The following IGHMBP2 variants were observed in gnomAD, a reference collection of about 807,000 sequenced individuals.
IGHMBP2 encodes the protein DNA-binding protein SMUBP-2.
In IGHMBP2, 81 loss-of-function variants were observed where a neutral mutation model predicts 96.0. The observed-to-expected ratio is 0.84, with a 90% CI of 0.71 to 1.01. The LOEUF (loss-of-function observed/expected upper bound fraction) is 1.01, where lower values mean the gene tolerates loss of function less well. Ranked by LOEUF, IGHMBP2 falls within the 50% of genes least tolerant of loss-of-function variation. The pLI is 0.00. For synonymous variants in IGHMBP2, 557 were observed against 548.9 expected (o/e 1.01, Z -0.21); for missense variants, 1,227 against 1,306.3 (o/e 0.94, Z 0.94).
In IGHMBP2 at chr11:68,914,867, G is replaced by A. The variant is rs146386692; in HGVS notation, c.756G>A (p.Val252=). ...APSNIAVDNL[V]ERLALCKQRI... ...CCAACATCGCCGTGGACAATCTGGT[G>A]GAGCGCCTGGCTCTGTGTAAGCAGC... Residue 252 remains valine, a synonymous_variant, in exon 6 of 15, where the codon GTG becomes GTA. Transcript: ENST00000255078. 4 of 1,614,120 alleles carry A rather than the reference G, an allele frequency of 2.5e-6. No individual in the cohort carries two copies. The highest frequency in any genetic ancestry group is 2.7e-5 in the African/African-American group (2 of 74,938).
intron 1 of IGHMBP2, among the ~76,000 whole-genome samples, chr11:68,905,348 G>A (rs1858148020): frequency 6.6e-6 from 1 of 152,226 alleles, no homozygotes. Flanking sequence ...TGACTTTGCA[G>A]GTTCTGTCTC....
At chr11:68,930,627 A>G (rs899562964) in intron 8 of IGHMBP2, 2 of 569,938 alleles carry the variant, frequency 3.5e-6, no homozygotes, top group African/African-American at 4.1e-5. Context: ...CTGGCTGGAA[A>G]CCTCTGCGGC....
intron 7 of IGHMBP2, among the ~76,000 whole-genome samples, chr11:68,918,297 GT>G (rs1273533939): frequency 2.6e-4 from 38 of 146,068 alleles, no homozygotes; most frequent in East Asian, 1.0e-3. Context: ...TGGCTGGAGG[GT>G]TTTTTTTTTT....
rs77822399 is a variant in IGHMBP2, at chr11:68,936,419, G to A, written c.1939G>A (p.Val647Ile). Residue 647 changes from valine to isoleucine, a missense_variant, in exon 13 of 15, where the codon GTC (valine) becomes ATC (isoleucine). Val to Ile is a conservative substitution (Grantham distance 29). This residue lies in a region of IGHMBP2 where 703 missense variants were observed against 770.3 expected (regional missense o/e 0.91). Coordinates refer to ENST00000255078, the MANE Select transcript of IGHMBP2 (RefSeq NM_002180.3). ...GGCCTTTGAGTATCTTGACGATATTGTCCCAGAAAACTATTCCCATGAGAA... is the reference window on the plus strand; with the variant it reads ...GGCCTTTGAGTATCTTGACGATATTATCCCAGAAAACTATTCCCATGAGAA... Reference protein sequence around the residue: ...RTAFEYLDDIVPENYSHENSQ... With the variant: ...RTAFEYLDDIIPENYSHENSQ... The A allele has an allele frequency of 1.1e-3, 1,807 of 1,614,134 alleles. 9 individuals are homozygous for A. The African/African-American group carries it at 0.015, about 14-fold the overall frequency.
chr11:68,904,043 G>C lies in IGHMBP2; in HGVS notation c.86+5G>C, dbSNP rs1318938510. 3 of 1,548,014 alleles carry C rather than the reference G, an allele frequency of 1.9e-6. No individual in the cohort carries two copies. The highest frequency in any genetic ancestry group is 2.4e-5 in the East Asian group (1 of 40,902). On this transcript the variant is annotated splice_donor_5th_base_variant and intron_variant, in intron 1 of 14. Transcript: ENST00000255078. ...CGCGGAGGTGGAGGAGCGCAGGTAC[G>C]GGAGGCCGCCGGCGCCGCTCCCTCG...
chr11:68,935,241 G>C, intron 11 of IGHMBP2, 58 bp from the exon 12 acceptor site: 1 of 1,607,916 alleles, frequency 6.2e-7, no homozygotes, highest in East Asian at 2.2e-5. Context: ...CTGAAGGGCA[G>C]GGTCTTGCTG....
intron 11 of IGHMBP2, 24 bp from the exon 12 acceptor site, chr11:68,935,275 A>T: frequency 6.2e-7 from 1 of 1,613,364 alleles, no homozygotes; most frequent in Non-Finnish European, 8.5e-7. Flanking sequence ...GGGTGAGGAA[A>T]CCACAGCCCG....
chr11:68,929,183 G>C lies in IGHMBP2; in HGVS notation c.1061G>C (p.Gly354Ala), dbSNP rs773317620. The C allele has an allele frequency of 1.2e-6, 2 of 1,612,268 alleles. No individual in the cohort carries two copies. The highest frequency in any genetic ancestry group is 1.7e-6 in the Non-Finnish European group (2 of 1,180,010). Reference sequence around the variant, plus strand: ...ACTCCCGGCTCCCTGTTTCCACCAGGTGCGTCTGCCGATGGCCCCCTGAAG... The same window carrying C: ...ACTCCCGGCTCCCTGTTTCCACCAGCTGCGTCTGCCGATGGCCCCCTGAAG... ...SANVVLATNTGASADGPLKLL... is the reference protein window; with the variant it reads ...SANVVLATNTAASADGPLKLL... Residue 354 changes from glycine to alanine, a missense_variant and splice_region_variant, in exon 8 of 15, where the codon GGT (glycine) becomes GCT (alanine). Gly to Ala is a moderately conservative substitution (Grantham distance 60). This residue lies in a region of IGHMBP2 where 507 missense variants were observed against 496.9 expected (regional missense o/e 1.02). Coordinates refer to ENST00000255078, the MANE Select transcript of IGHMBP2 (RefSeq NM_002180.3).
chr11:68,937,114 G>C, intron 13 of IGHMBP2, 23 bp downstream of exon 13: 1 of 1,595,928 alleles, frequency 6.3e-7, no homozygotes, highest in Non-Finnish European at 8.5e-7. Flanking sequence ...ATAAGAACTT[G>C]GGGCAGTGTC....
intron 4 of IGHMBP2, 68 bp from the exon 5 acceptor site, chr11:68,911,370 ACT>A (rs1210074562): frequency 1.3e-6 from 2 of 1,527,086 alleles, no homozygotes; most frequent in Admixed American, 1.7e-5. Flanking sequence ...CGGGGCACAC[ACT>A]CTCTGAGGAG....
rs147392842 is a variant in IGHMBP2, at chr11:68,907,089, A to G, written c.256+851A>G. Among the ~76,000 whole-genome samples, 428 of 152,154 alleles carry G rather than the reference A, an allele frequency of 2.8e-3. 2 individuals carry two copies. The highest frequency in any genetic ancestry group is 9.8e-3 in the African/African-American group (406 of 41,556). ...AGCCTGGGCAACGTGGCAAAACCCC[A>G]TCTCTGCAAAAAAATAGAAAAATTA... On this transcript the variant is annotated intron_variant, in intron 2 of 14. Transcript: ENST00000255078.
At chr11:68,930,226 C>T in intron 8 of IGHMBP2, 1 of 1,254,516 alleles carries the variant, frequency 8.0e-7, no homozygotes, top group Non-Finnish European at 1.0e-6. Context: ...TTCTGAGACT[C>T]CTGCATCCTG....
chr11:68,939,529 C>A lies in IGHMBP2; in HGVS notation c.2785-5C>A. 6.2e-7 allele frequency: 1 copy of A among 1,611,716 alleles called. No homozygotes were observed. The highest frequency in any genetic ancestry group is 8.5e-7 in the Non-Finnish European group (1 of 1,179,986). ...GCCCAGCAGTGATTCTTGTGTCCTC[C>A]CCAGATCCATGGCTGCGGTGAGAGG... On this transcript the variant is annotated splice_polypyrimidine_tract_variant and splice_region_variant and intron_variant, in intron 14 of 14. Coordinates refer to ENST00000255078, the MANE Select transcript of IGHMBP2 (RefSeq NM_002180.3).
intron 7 of IGHMBP2, 148 bp from the exon 8 acceptor site, chr11:68,929,035 A>G (rs1178816544): frequency 3.7e-6 from 3 of 817,770 alleles, no homozygotes; most frequent in East Asian, 2.5e-5. Context: ...GTCTTGGCCA[A>G]GTTTTTATTA....
intron 7 of IGHMBP2, among the ~76,000 whole-genome samples, chr11:68,920,028 C>T (rs1858822110): frequency 6.6e-6 from 1 of 152,160 alleles, no homozygotes; most frequent in South Asian, 2.1e-4. Context: ...TCTTGCAGAC[C>T]TGAAGCTCTG....
rs199614709 is a variant in IGHMBP2 at position 68,938,241 on chromosome 11, G to A, written c.2671G>A (p.Val891Ile). 1.0e-4 allele frequency: 167 copies of A among 1,614,082 alleles called. No individual in the cohort carries two copies. Among genetic ancestry groups the A allele is most frequent in the South Asian group, 6.8e-4 (62 of 91,084 alleles). ...CTTTGAGGCCCTGGTTTCTGCCGCCGTTAAGGCTGATAACACCTGCGGCTT... is the reference window on the plus strand; with the variant it reads ...CTTTGAGGCCCTGGTTTCTGCCGCCATTAAGGCTGATAACACCTGCGGCTT... ...EDFEALVSAA[V>I]KADNTCGFAK... The change falls in exon 14 of 15, where the codon GTT (valine) becomes ATT (isoleucine). Residue 891 changes from valine (V) to isoleucine (I), a missense_variant. Val to Ile is a conservative substitution (Grantham distance 29, BLOSUM62 3). Transcript: ENST00000255078.
At chr11:68,939,053 C>A (rs1388383612) in intron 14 of IGHMBP2, among the ~76,000 whole-genome samples, 1 of 152,104 alleles carries the variant, frequency 6.6e-6, no homozygotes, top group Admixed American at 6.5e-5. Flanking sequence ...AGGCTATCCA[C>A]CCTTAGAACA....
At chr11:68,938,084 G>T in intron 13 of IGHMBP2, 98 bp from the exon 14 acceptor site, 1 of 1,353,190 alleles carries the variant, frequency 7.4e-7, no homozygotes, top group Non-Finnish European at 1.1e-6. Flanking sequence ...GATTACAGGT[G>T]TGAGCCACCG....
chr11:68,908,555 G>T lies in IGHMBP2; in HGVS notation c.471G>T (p.Lys157Asn). ...GCAGAGCCCTGATTGCTCTAAAGAAGTATCATTCTGGCCCAGCCTCCTCAC... is the reference window on the plus strand; with the variant it reads ...GCAGAGCCCTGATTGCTCTAAAGAATTATCATTCTGGCCCAGCCTCCTCAC... Reference protein sequence around the residue: ...RLKKALIALKKYHSGPASSLI... With the variant: ...RLKKALIALKNYHSGPASSLI... Residue 157 changes from lysine (K) to asparagine (N), a missense_variant, in exon 4 of 15, where the codon AAG becomes AAT. Lys to Asn is a moderately conservative substitution (Grantham distance 94, BLOSUM62 0). Around this residue, in one of 3 missense-constraint regions of IGHMBP2, gnomAD observed 507 missense variants for 496.9 expected, o/e 1.02. Transcript: ENST00000255078. 3 of 1,613,946 alleles carry T rather than the reference G, an allele frequency of 1.9e-6. No homozygotes were observed. The highest frequency in any genetic ancestry group is 2.5e-6 in the Non-Finnish European group (3 of 1,179,846).
Sources: gnomAD v4.1 joint callset for allele counts (sites outside exome capture counted in the v4.1 genomes callset) on GRCh38, gnomAD v4.1.1 for gene constraint, gnomAD v4.1.1 regional missense constraint, MANE v1.5 for transcripts, NCBI Gene and HGNC (gene_info 2026-07-23, HGNC 2026-07-21) for gene names.